Variants in ZBED1 observed in about 807,000 individuals in gnomAD.
The protein encoded by ZBED1 is E3 SUMO-protein ligase ZBED1.
In ZBED1, 19 loss-of-function variants were observed where a neutral mutation model predicts 49.7. The ratio of observed to expected loss-of-function variants is 0.38; its 90% CI spans 0.27 to 0.56. The LOEUF (loss-of-function observed/expected upper bound fraction) is 0.56. ZBED1 is among the 20% of genes least tolerant of loss of function. The pLI, the probability that ZBED1 is intolerant of heterozygous loss-of-function variation, is 0.70. For synonymous variants in ZBED1, 439 were observed against 440.3 expected (o/e 1.00, Z 0.04); for missense variants, 806 against 972.6 (o/e 0.83, Z 2.28).
At position 2,488,710 on chromosome X, in the gene ZBED1, G is replaced by A. The variant is rs1410583880; in HGVS notation, c.2010C>T (p.Asp670=). ...CCCCCAAGGAGAACACCTGCTCCTG[G>A]TCCAGGCCCCACTCCCCCTCGTCCT... The part of the protein sequence containing the change: ...EDQDEGEWGL[D]QEQVFSLGDG... The change falls in exon 2 of 2, where the codon GAC becomes GAT. Residue 670 remains aspartate (D), a synonymous_variant. Coordinates refer to ENST00000652001, the MANE Select transcript of ZBED1 (RefSeq NM_001171136.2). 3 of 1,613,828 alleles carry A rather than the reference G, an allele frequency of 1.9e-6. No homozygotes were observed. In the Admixed American group the frequency reaches 5.0e-5, roughly 27 times the overall value.
chrX:2,494,196 T>A (rs1217582986), intron 1 of ZBED1, among the ~76,000 whole-genome samples: 9 of 151,984 alleles, frequency 5.9e-5, no homozygotes, highest in Non-Finnish European at 1.2e-4. Context: ...AGGTTTATAT[T>A]CTATTATCAT....
intron 1 of ZBED1, among the ~76,000 whole-genome samples, chrX:2,495,089 CAGG>C (rs1409658022): frequency 6.7e-6 from 1 of 149,982 alleles, no homozygotes. Context: ...AAAGACGTTC[CAGG>C]AGATGAAGCA....
chrX:2,493,474 T>C (rs2045209438), intron 1 of ZBED1, among the ~76,000 whole-genome samples: 1 of 151,046 alleles, frequency 6.6e-6, no homozygotes, highest in Non-Finnish European at 1.5e-5. Context: ...TTATTATCAT[T>C]ATTATTATTA....
intron 1 of ZBED1, among the ~76,000 whole-genome samples, chrX:2,499,907 G>A (rs1282421010): frequency 2.0e-5 from 3 of 152,140 alleles, no homozygotes; most frequent in African/African-American, 7.2e-5. Flanking sequence ...GTCGGATGCA[G>A]TAGCTGGTGC....
rs1382968352 is a variant in ZBED1 at position 2,486,584 on chromosome X, T to C, written c.*2051A>G. On this transcript the variant is annotated 3_prime_UTR_variant, in exon 2 of 2. Coordinates refer to ENST00000652001, the MANE Select transcript of ZBED1 (RefSeq NM_001171136.2). ...CACGTGAGTGAGGAAAAGCGAAGGA[T>C]TGTTAGAGACGTGAAGAGAACGCTG... 4.6e-5 allele frequency: 7 copies of C among 152,080 alleles called. No homozygotes were observed. Among genetic ancestry groups the C allele is most frequent in the East Asian group, 3.9e-4 (2 of 5,166 alleles). The allele number at this position is 152,080 out of a possible 1,614,324, so 9.4% of individuals were successfully genotyped here. A position where few individuals can be genotyped will look rare whatever the true frequency, so the allele number is the denominator to read the frequency against.
rs772761841 is a variant in ZBED1, at chrX:2,489,421, C to G, written c.1299G>C (p.Thr433=). The G allele has an allele frequency of 1.2e-6, 2 of 1,613,902 alleles. No individual in the cohort carries two copies. The highest frequency in any genetic ancestry group is 2.7e-5 in the African/African-American group (2 of 75,040). The change falls in exon 2 of 2, where the codon ACG becomes ACC. Residue 433 remains threonine, a synonymous_variant. Transcript: ENST00000652001. ...KPLLHMLLNT[T]LNIKETDSKE... Reference sequence around the variant, plus strand: ...TGGAGTCGGTCTCCTTGATGTTGAGCGTGGTGTTCAGGAGCATGTGCAGCA... The same window carrying G: ...TGGAGTCGGTCTCCTTGATGTTGAGGGTGGTGTTCAGGAGCATGTGCAGCA...
chrX:2,489,177 G>A lies in ZBED1; in HGVS notation c.1543C>T (p.Pro515Ser). ...ACCGGGAAGATCTTGTCCTCAGCCG[G>A]CCGGTAGCCGCCGTCTTTGACCTTG... Reference protein sequence around the residue: ...LDKVKDGGYRPAEDKIFPVPE... With the variant: ...LDKVKDGGYRSAEDKIFPVPE... Residue 515 changes from proline to serine, a missense_variant, in exon 2 of 2, where the codon CCG (proline) becomes TCG (serine). Pro to Ser is a moderately conservative substitution (Grantham distance 74). Around this residue, in one of 2 missense-constraint regions of ZBED1, gnomAD observed 749 missense variants for 861.3 expected, o/e 0.87. Transcript: ENST00000652001. 6.2e-7 allele frequency: 1 copy of A among 1,613,592 alleles called. No homozygotes were observed. Among genetic ancestry groups the A allele is most frequent in the Non-Finnish European group, 8.5e-7 (1 of 1,179,860 alleles).
rs777878367 is a variant in ZBED1, at chrX:2,489,923, C to T, written c.797G>A (p.Gly266Glu). 1.2e-6 allele frequency: 2 copies of T among 1,613,838 alleles called. No individual in the cohort carries two copies. The highest frequency in any genetic ancestry group is 1.3e-5 in the African/African-American group (1 of 75,046). The change falls in exon 2 of 2, where the codon GGG becomes GAG. Residue 266 changes from glycine to glutamate, a missense_variant. Physicochemically the swap from Gly to Glu is moderately conservative, Grantham distance 98 (BLOSUM62 -2). Transcript: ENST00000652001. ...IEWGISAKVF[G>E]ATTNYGKDIV... ...GTCCTTGCCATAGTTGGTGGTGGCC[C>T]CGAAGACCTTGGCGCTGATGCCCCA...
chrX:2,494,924 A>C (rs1215340551), intron 1 of ZBED1, among the ~76,000 whole-genome samples: 2 of 151,944 alleles, frequency 1.3e-5, no homozygotes, highest in East Asian at 3.9e-4. Context: ...TTTGGCTGAA[A>C]GAGCTCCCAG....
chrX:2,487,340 CAT>C lies in ZBED1; in HGVS notation c.*1293_*1294del, dbSNP rs2044967794. The C allele has an allele frequency of 6.6e-6, 1 of 151,986 alleles. No homozygotes were observed. The highest frequency in any genetic ancestry group is 1.5e-5 in the Non-Finnish European group (1 of 68,042). The allele number at this position is 151,986 out of a possible 1,614,324, so 9.4% of individuals were successfully genotyped here. A position where few individuals can be genotyped will look rare whatever the true frequency, so the allele number is the denominator to read the frequency against. ...ACTTTTAGGGCTGAGACACCGAAGA[CAT>C]AACCTCCGGACCCGTGAGCCACCCA... On this transcript the variant is annotated 3_prime_UTR_variant, in exon 2 of 2. Coordinates refer to ENST00000652001, the MANE Select transcript of ZBED1 (RefSeq NM_001171136.2).
chrX:2,488,969 T>C lies in ZBED1; in HGVS notation c.1751A>G (p.Asn584Ser). The C allele has an allele frequency of 1.9e-6, 3 of 1,598,132 alleles. No individual in the cohort carries two copies. Among genetic ancestry groups the C allele is most frequent in the African/African-American group, 1.3e-5 (1 of 74,802 alleles). ...NFKSQKVLGL[N>S]EDPLKWWSDR... ...TGACCACCACTTGAGGGGGTCTTCG[T>C]TGAGGCCAAGCACCTTCTGGGACTT... Residue 584 changes from asparagine to serine, a missense_variant, in exon 2 of 2, where the codon AAC becomes AGC. Asn to Ser is a conservative substitution (Grantham distance 46). Around this residue, in one of 2 missense-constraint regions of ZBED1, gnomAD observed 749 missense variants for 861.3 expected, o/e 0.87. Transcript: ENST00000652001.
intron 1 of ZBED1, among the ~76,000 whole-genome samples, chrX:2,499,683 G>C (rs1017780089): frequency 2.0e-5 from 3 of 152,166 alleles, no homozygotes; most frequent in African/African-American, 7.2e-5. Context: ...CAGGTAGGAG[G>C]ATTGCTTCGG....
In ZBED1 at chrX:2,488,790, G is replaced by A; in HGVS notation, c.1930C>T (p.Gln644Ter). 2 of 1,613,924 alleles carry A rather than the reference G, an allele frequency of 1.2e-6. No homozygotes were observed. Among genetic ancestry groups the A allele is most frequent in the Non-Finnish European group, 1.7e-6 (2 of 1,179,864 alleles). Residue 644 changes from glutamine (Q) to a stop codon, truncating the protein, a stop_gained, in exon 2 of 2, where the codon CAG (glutamine) becomes TAG (stop). Transcript: ENST00000652001. LOFTEE classifies it high-confidence loss of function. Reference protein sequence around the residue: ...NRLAPAHVDEQVFLYENARSG... With the variant: ...NRLAPAHVDE ...CGGGCGTTCTCATACAGAAACACCT[G>A]CTCGTCCACGTGCGCGGGAGCCAGC...
intron 1 of ZBED1, among the ~76,000 whole-genome samples, chrX:2,497,664 A>G (rs1488561498): frequency 6.6e-6 from 1 of 152,202 alleles, no homozygotes; most frequent in Non-Finnish European, 1.5e-5. Context: ...ATTATTTACA[A>G]TAGAACTTTT....
chrX:2,500,422 G>A (rs1468143925), intron 1 of ZBED1: 5 of 169,280 alleles, frequency 3.0e-5, no homozygotes, highest in Non-Finnish European at 5.3e-5. Context: ...GCCGCCTGAT[G>A]TCTTGGGCGC....
chrX:2,497,539 T>C (rs1321741859), intron 1 of ZBED1, among the ~76,000 whole-genome samples: 2 of 152,258 alleles, frequency 1.3e-5, no homozygotes, highest in African/African-American at 4.8e-5. Flanking sequence ...AGGACTTCTA[T>C]AAATAGCTTT....
Position 2,489,054 on chromosome X carries a change from C to T in ZBED1, c.1666G>A (p.Gly556Ser). The T allele has an allele frequency of 6.2e-7, 1 of 1,613,906 alleles. No homozygotes were observed. The highest frequency in any genetic ancestry group is 8.5e-7 in the Non-Finnish European group (1 of 1,179,844). ...CACTCTTCCTGGTCCTCCACGCCGC[C>T]TGTCTGGCAGAAGATCTCGGCCAGC... is the stretch of plus-strand genomic sequence containing the variant. The part of the protein sequence containing the change: ...NMLAEIFCQT[G>S]GVEDQEEWHA... Residue 556 changes from glycine (G) to serine (S), a missense_variant, in exon 2 of 2, where the codon GGC becomes AGC. This residue lies in a region of ZBED1 where 749 missense variants were observed against 861.3 expected (regional missense o/e 0.87). Coordinates refer to ENST00000652001, the MANE Select transcript of ZBED1 (RefSeq NM_001171136.2).
chrX:2,500,070 C>T (rs1413738582), intron 1 of ZBED1, among the ~76,000 whole-genome samples: 1 of 152,220 alleles, frequency 6.6e-6, no homozygotes, highest in Non-Finnish European at 1.5e-5. Flanking sequence ...AATCTAGGAA[C>T]AGAAGTTATC....
chrX:2,489,035 T>C lies in ZBED1; in HGVS notation c.1685A>G (p.Glu562Gly). 6.2e-7 allele frequency: 1 copy of C among 1,613,664 alleles called. No individual in the cohort carries two copies. Among genetic ancestry groups the C allele is most frequent in the Non-Finnish European group, 8.5e-7 (1 of 1,179,746 alleles). Residue 562 changes from glutamate (E) to glycine (G), a missense_variant, in exon 2 of 2, where the codon GAA (glutamate) becomes GGA (glycine). Physicochemically the swap from Glu to Gly is moderately conservative, Grantham distance 98 (BLOSUM62 -2). Around this residue, in one of 2 missense-constraint regions of ZBED1, gnomAD observed 749 missense variants for 861.3 expected, o/e 0.87. Coordinates refer to ENST00000652001, the MANE Select transcript of ZBED1 (RefSeq NM_001171136.2). ...CTCCACCACCTGGGCATGCCACTCT[T>C]CCTGGTCCTCCACGCCGCCTGTCTG... ...FCQTGGVEDQ[E>G]EWHAQVVEEL...
Sources: allele counts gnomAD v4.1 joint callset (sites outside exome capture counted in the v4.1 genomes callset), GRCh38; gene constraint gnomAD v4.1.1; regional missense constraint gnomAD v4.1.1; transcripts MANE v1.5; gene names NCBI Gene and HGNC (gene_info 2026-07-23, HGNC 2026-07-21).